The following EYS variants were observed in gnomAD, a reference collection of about 807,000 sequenced individuals.
EYS encodes the protein EGF-like photoreceptor maintenance factor.
Under a neutral mutation model 282.1 loss-of-function variants are expected in EYS, and 250 were observed. The ratio of observed to expected loss-of-function variants is 0.89; its 90% CI spans 0.80 to 0.98. The LOEUF is 0.98. EYS is among the 50% of genes least tolerant of loss of function. EYS has a pLI of 0.00. For missense variants in EYS, 4,016 were observed against 3,709.0 expected (o/e 1.08, Z -2.15); for synonymous variants, 1,355 against 1,282.9 (o/e 1.06, Z -1.20).
rs1766556883 is a variant in EYS, at chr6:65,402,594, G to T, written c.1068C>A (p.Cys356Ter). ...DCIKISNDVMCICSPIFTDLL... is the reference protein window; with the variant it reads ...DCIKISNDVM ...AATCTGTAAATATTGGTGAACAGAT[G>T]CACATAACATCCTAGGAAAGATTAA... Residue 356 changes from cysteine (C) to a stop codon, truncating the protein, a stop_gained, in exon 7 of 43, where the codon TGC becomes TGA. Coordinates refer to ENST00000503581, the MANE Select transcript of EYS (RefSeq NM_001142800.2). LOFTEE classifies it high-confidence loss of function. 1.3e-6 allele frequency: 2 copies of T among 1,573,424 alleles called. No homozygotes were observed. Among genetic ancestry groups the T allele is most frequent in the Non-Finnish European group, 1.7e-6 (2 of 1,144,308 alleles).
At chr6:64,563,107 T>C (rs1765452107) in intron 26 of EYS, among the ~76,000 whole-genome samples, 1 of 152,020 alleles carries the variant, frequency 6.6e-6, no homozygotes, top group East Asian at 1.9e-4. Context: ...AGTAGGTACT[T>C]AGTTTTAGAG....
chr6:65,188,764 CAAAAAAAAA>C (rs777137794), intron 12 of EYS, among the ~76,000 whole-genome samples: 363 of 78,752 alleles, frequency 4.6e-3, no homozygotes, highest in Non-Finnish European at 8.1e-3. Flanking sequence ...TTATTGCATG[CAAAAAAAAA>C]AAAAAAAAAA....
intron 2 of EYS, among the ~76,000 whole-genome samples, chr6:65,628,790 GC>G (rs1766810631): frequency 6.6e-6 from 1 of 152,188 alleles, no homozygotes. Flanking sequence ...CACCTTAAGA[GC>G]TGTAACACTC....
chr6:64,312,971 T>C (rs1769782574), intron 29 of EYS, among the ~76,000 whole-genome samples: 1 of 59,464 alleles, frequency 1.7e-5, no homozygotes, highest in African/African-American at 4.4e-5. Context: ...AGAATGCCTC[T>C]TCTTCTCCAA....
At chr6:64,689,513 T>C (rs184872034) in intron 22 of EYS, among the ~76,000 whole-genome samples, 1 of 151,518 alleles carries the variant, frequency 6.6e-6, no homozygotes, top group Non-Finnish European at 1.5e-5. Flanking sequence ...GAGCCCGCAT[T>C]GCCAAGACAA....
chr6:65,259,175 G>C (rs892447127), intron 12 of EYS, among the ~76,000 whole-genome samples: 1 of 151,962 alleles, frequency 6.6e-6, no homozygotes, highest in Admixed American at 6.6e-5. Context: ...TTGAGACTTT[G>C]GTCAATGAAA....
chr6:63,828,752 A>G (rs1470718069), intron 36 of EYS, among the ~76,000 whole-genome samples: 1 of 152,220 alleles, frequency 6.6e-6, no homozygotes, highest in Non-Finnish European at 1.5e-5. Context: ...CAAAACCACA[A>G]TGTGATACCA....
At chr6:65,526,650 C>CA (rs1414203381) in intron 2 of EYS, among the ~76,000 whole-genome samples, 15 of 152,102 alleles carry the variant, frequency 9.9e-5, no homozygotes, top group South Asian at 6.2e-4. Flanking sequence ...CTAAAAAATA[C>CA]AAAAAATTAC....
intron 22 of EYS, among the ~76,000 whole-genome samples, chr6:64,808,566 G>A (rs9453019): frequency 0.48 from 72,441 of 151,684 alleles, 18,674 homozygotes; most frequent in Admixed American, 0.66. Flanking sequence ...GCCTGAGAAC[G>A]TTAGACAAGA....
intron 2 of EYS, among the ~76,000 whole-genome samples, chr6:65,563,210 C>T (rs1769133299): frequency 1.3e-5 from 2 of 152,060 alleles, no homozygotes; most frequent in African/African-American, 4.8e-5. Context: ...AGTACATACT[C>T]ATTTCAACAC....
chr6:65,658,874 G>A (rs1329485847), intron 1 of EYS, among the ~76,000 whole-genome samples: 3 of 151,218 alleles, frequency 2.0e-5, no homozygotes, highest in Non-Finnish European at 4.4e-5. Context: ...AGAATACATT[G>A]TATCTCATAT....
intron 12 of EYS, among the ~76,000 whole-genome samples, chr6:65,192,327 G>GTGTGTGTGTGTGTGTGTA (rs1491376438): frequency 7.2e-6 from 1 of 139,518 alleles, no homozygotes; most frequent in Admixed American, 7.3e-5. Context: ...GTGTGTGTGT[G>GTGTGTGTGTGTGTGTGTA]TATAATGTGT....
intron 12 of EYS, among the ~76,000 whole-genome samples, chr6:65,190,375 T>C (rs1765612634): frequency 6.7e-6 from 1 of 150,238 alleles, no homozygotes; most frequent in Non-Finnish European, 1.5e-5. Flanking sequence ...CTATGTTCAC[T>C]ATTTTACATT....
chr6:65,620,912 G>C (rs1462851462), intron 2 of EYS, among the ~76,000 whole-genome samples: 1 of 152,208 alleles, frequency 6.6e-6, no homozygotes, highest in Non-Finnish European at 1.5e-5. Flanking sequence ...ACTGTGGTCT[G>C]AGAGACAGTT....
At chr6:64,094,553 C>A (rs113732681) in intron 31 of EYS, among the ~76,000 whole-genome samples, 11,569 of 151,978 alleles carry the variant, frequency 0.076, 1,377 homozygotes, top group African/African-American at 0.25. Context: ...AGAGGTGTTT[C>A]TAGTATTCTC....
chr6:64,176,744 A>G (rs185637045), intron 31 of EYS, among the ~76,000 whole-genome samples: 2 of 152,140 alleles, frequency 1.3e-5, no homozygotes, highest in East Asian at 1.9e-4. Context: ...CTCAAAGTCA[A>G]TTTGTTTCTG....
At chr6:65,692,309 C>T (rs1447157051) in intron 1 of EYS, among the ~76,000 whole-genome samples, 1 of 149,908 alleles carries the variant, frequency 6.7e-6, no homozygotes, top group Non-Finnish European at 1.5e-5. Context: ...GTACAAAGTA[C>T]AGTATTTGGG....
At chr6:63,863,668 C>T (rs12199548) in intron 36 of EYS, among the ~76,000 whole-genome samples, 1,012 of 69,314 alleles carry the variant, frequency 0.015, 428 homozygotes, top group Middle Eastern at 0.031. Context: ...CTTTTCTTTT[C>T]TTTTTTCTTT....
At chr6:64,676,751 C>T (rs756754820) in intron 22 of EYS, among the ~76,000 whole-genome samples, 2 of 152,040 alleles carry the variant, frequency 1.3e-5, no homozygotes, top group African/African-American at 2.4e-5. Context: ...GGTGAGGGCC[C>T]GCTTCTTCAT....
Sources: gnomAD v4.1 joint callset for allele counts (sites outside exome capture counted in the v4.1 genomes callset) on GRCh38, gnomAD v4.1.1 for gene constraint, MANE v1.5 for transcripts, NCBI Gene and HGNC (gene_info 2026-07-23, HGNC 2026-07-21) for gene names.